The following ANKRD45 variants were observed in gnomAD, a reference collection of about 807,000 sequenced individuals.
ANKRD45 encodes ankyrin repeat domain-containing protein 45.
ANKRD45 carries 21 observed loss-of-function variants against 28.1 expected under a neutral mutation model. That is an observed-to-expected ratio of 0.75 (90% CI 0.53 to 1.08). The LOEUF (loss-of-function observed/expected upper bound fraction) is 1.08. ANKRD45 is among the 50% of genes least tolerant of loss of function. The probability of loss-of-function intolerance (pLI) is 0.00; values close to 1 mark genes in which losing one functional copy is unlikely to be tolerated. For missense variants in ANKRD45, 261 were observed against 308.7 expected, an observed-to-expected ratio of 0.85 and a Z score of 1.16; for synonymous variants, 86 against 103.9, an observed-to-expected ratio of 0.83 and a Z score of 1.05.
chr1:173,613,650 G>A (rs1376438878), intron 5 of ANKRD45, among the ~76,000 whole-genome samples: 5 of 150,324 alleles, frequency 3.3e-5, no homozygotes, highest in Non-Finnish European at 1.5e-5. Flanking sequence ...AGGGAGGAGG[G>A]GGGTCAGCCC....
chr1:173,679,804 A>C, the ANKRD45 span, among the ~76,000 whole-genome samples: 2 of 152,262 alleles, frequency 1.3e-5, no homozygotes, highest in African/African-American at 4.8e-5. Flanking sequence ...CATCTGACAA[A>C]GGGCTGATAT....
intron 4 of ANKRD45, among the ~76,000 whole-genome samples, chr1:173,626,624 C>A (rs371235941): frequency 6.6e-6 from 1 of 152,140 alleles, no homozygotes; most frequent in South Asian, 2.1e-4. Flanking sequence ...CATCCCACCC[C>A]CCGACTGCCT....
chr1:173,636,363 T>A (rs1246406225), intron 3 of ANKRD45, among the ~76,000 whole-genome samples: 1 of 152,188 alleles, frequency 6.6e-6, no homozygotes, highest in African/African-American at 2.4e-5. Flanking sequence ...ACTTTGCCAA[T>A]AGATGACACC....
chr1:173,627,230 A>G, intron 3 of ANKRD45, 71 bp from the exon 4 acceptor site: 1 of 1,003,466 alleles, frequency 1.0e-6, no homozygotes, highest in Non-Finnish European at 1.6e-6. Context: ...GTCAAATGGA[A>G]GCCTCCACTG....
chr1:173,710,152 T>C, the ANKRD45 span, among the ~76,000 whole-genome samples: 1 of 152,114 alleles, frequency 6.6e-6, no homozygotes, highest in Non-Finnish European at 1.5e-5. Flanking sequence ...TAGTGAGAAC[T>C]CGTCTCTACA....
At chr1:173,636,626 T>C (rs1196717627) in intron 3 of ANKRD45, among the ~76,000 whole-genome samples, 4 of 152,356 alleles carry the variant, frequency 2.6e-5, no homozygotes, top group Non-Finnish European at 5.9e-5. Context: ...ATGTGGCATA[T>C]AGATAACATT....
chr1:173,702,803 CCTTGAA>C, the ANKRD45 span, among the ~76,000 whole-genome samples: 1 of 149,754 alleles, frequency 6.7e-6, no homozygotes, highest in Admixed American at 6.7e-5. Flanking sequence ...CTCACTATAA[CCTTGAA>C]CTTCTGGGCT....
intron 3 of ANKRD45, among the ~76,000 whole-genome samples, chr1:173,639,276 T>C (rs1323779650): frequency 6.6e-6 from 1 of 152,304 alleles, no homozygotes. Context: ...GAGATAGCTA[T>C]TGTACATGTC....
chr1:173,632,075 C>T (rs1401112796), intron 3 of ANKRD45, among the ~76,000 whole-genome samples: 2 of 151,064 alleles, frequency 1.3e-5, no homozygotes, highest in Non-Finnish European at 3.0e-5. Flanking sequence ...AAAAGATAAA[C>T]AAAATTGGCA....
At chr1:173,677,576 C>T in the ANKRD45 span, among the ~76,000 whole-genome samples, 2,103 of 152,156 alleles carry the variant, frequency 0.014, 51 homozygotes, top group African/African-American at 0.048. Flanking sequence ...ATTTCTGGCC[C>T]TCTGTCTCAG....
At chr1:173,694,626 T>C in the ANKRD45 span, among the ~76,000 whole-genome samples, 1 of 151,562 alleles carries the variant, frequency 6.6e-6, no homozygotes, top group African/African-American at 2.4e-5. Flanking sequence ...ATGAATTGTA[T>C]AGTGGTGAAT....
chr1:173,618,424 T>C (rs944374561), intron 5 of ANKRD45, among the ~76,000 whole-genome samples: 1 of 152,072 alleles, frequency 6.6e-6, no homozygotes, highest in Non-Finnish European at 1.5e-5. Context: ...AAAACCAGAA[T>C]AGCCAGTTTA....
intron 1 of ANKRD45, among the ~76,000 whole-genome samples, chr1:173,665,799 A>C (rs545990713): frequency 6.6e-6 from 1 of 152,234 alleles, no homozygotes; most frequent in South Asian, 2.1e-4. Flanking sequence ...ACTTGAGTTC[A>C]GGAGTTCGAG....
chr1:173,665,051 T>C (rs2102398763), intron 1 of ANKRD45, among the ~76,000 whole-genome samples: 1 of 152,328 alleles, frequency 6.6e-6, no homozygotes, highest in South Asian at 2.1e-4. Flanking sequence ...ATGGGGAACA[T>C]TTAGTAAATA....
the ANKRD45 span, among the ~76,000 whole-genome samples, chr1:173,708,029 TTTAA>T: frequency 6.6e-6 from 1 of 152,352 alleles, no homozygotes; most frequent in South Asian, 2.1e-4. Context: ...AAACCACAGT[TTTAA>T]TTATAGAGGT....
the ANKRD45 span, among the ~76,000 whole-genome samples, chr1:173,682,706 C>A: frequency 1.3e-3 from 192 of 152,038 alleles, no homozygotes; most frequent in Non-Finnish European, 2.1e-3. Flanking sequence ...CACACACACA[C>A]ACACACACAC....
chr1:173,708,419 T>G, the ANKRD45 span, among the ~76,000 whole-genome samples: 2 of 152,214 alleles, frequency 1.3e-5, no homozygotes, highest in African/African-American at 4.8e-5. Context: ...ATTCATCCCC[T>G]CCAGAGGAGG....
the ANKRD45 span, among the ~76,000 whole-genome samples, chr1:173,696,729 T>A: frequency 2.0e-5 from 3 of 151,646 alleles, no homozygotes; most frequent in African/African-American, 7.3e-5. Flanking sequence ...TTGTTCTTTT[T>A]GCTTAGGATT....
At chr1:173,678,362 A>G in the ANKRD45 span, among the ~76,000 whole-genome samples, 1 of 152,212 alleles carries the variant, frequency 6.6e-6, no homozygotes, top group Non-Finnish European at 1.5e-5. Context: ...AAGCTTATCT[A>G]CCATGATCAA....
Sources: gnomAD v4.1 joint callset for allele counts (sites outside exome capture counted in the v4.1 genomes callset) on GRCh38, gnomAD v4.1.1 for gene constraint, MANE v1.5 for transcripts, NCBI Gene and HGNC (gene_info 2026-07-23, HGNC 2026-07-21) for gene names.